SLC23A2: variants seen among roughly 807,000 people sequenced by gnomAD.
The protein encoded by SLC23A2 is solute carrier family 23 member 2.
In SLC23A2, 36 loss-of-function variants were observed where a neutral mutation model predicts 73.3. The ratio of observed to expected loss-of-function variants is 0.49; its 90% CI spans 0.38 to 0.65. SLC23A2 has a LOEUF of 0.65. Among genes scored for constraint, SLC23A2 ranks in the 30% least tolerant of loss-of-function variants. SLC23A2 has a pLI of 0.00. For synonymous variants in SLC23A2, 343 were observed against 327.3 expected, an observed-to-expected ratio of 1.05 and a Z score of -0.52; for missense variants, 507 against 841.6, an observed-to-expected ratio of 0.60 and a Z score of 4.92.
intron 9 of SLC23A2, among the ~76,000 whole-genome samples, chr20:4,875,210 G>A (rs1930607769): frequency 6.6e-6 from 1 of 152,158 alleles, no homozygotes; most frequent in African/African-American, 2.4e-5. Context: ...CCACTTTTCT[G>A]TATTTTCCAA....
At chr20:4,991,473 C>T (rs1318260814) in intron 1 of SLC23A2, among the ~76,000 whole-genome samples, 1 of 152,066 alleles carries the variant, frequency 6.6e-6, no homozygotes, top group Non-Finnish European at 1.5e-5. Flanking sequence ...CCTCTAATCC[C>T]AGCACTTTGG....
intron 2 of SLC23A2, among the ~76,000 whole-genome samples, chr20:4,944,564 A>G (rs1229510242): frequency 6.6e-6 from 1 of 152,210 alleles, no homozygotes; most frequent in African/African-American, 2.4e-5. Context: ...ACAAATGCAC[A>G]AATATTCTCA....
chr20:4,979,613 C>T (rs1004939588), intron 1 of SLC23A2, among the ~76,000 whole-genome samples: 24 of 152,062 alleles, frequency 1.6e-4, no homozygotes, highest in Non-Finnish European at 2.1e-4. Flanking sequence ...ATCTTCTATT[C>T]CAAATTTTAC....
At chr20:4,991,728 AC>A (rs1568659886) in intron 1 of SLC23A2, among the ~76,000 whole-genome samples, 5 of 134,214 alleles carry the variant, frequency 3.7e-5, no homozygotes, top group Non-Finnish European at 6.5e-5. Context: ...TTTCACACAC[AC>A]ACACACACAC....
chr20:4,896,186 G>A (rs1243981228), intron 6 of SLC23A2, among the ~76,000 whole-genome samples: 4 of 152,152 alleles, frequency 2.6e-5, no homozygotes, highest in East Asian at 3.9e-4. Context: ...GTCAAGGGGG[G>A]AACCAGCGGC....
At chr20:4,918,138 G>C (rs2122907323) in intron 3 of SLC23A2, among the ~76,000 whole-genome samples, 1 of 152,206 alleles carries the variant, frequency 6.6e-6, no homozygotes, top group Non-Finnish European at 1.5e-5. Flanking sequence ...AACATGTCTT[G>C]GGAAGCTTTC....
intron 2 of SLC23A2, among the ~76,000 whole-genome samples, chr20:4,959,272 A>C (rs1190639250): frequency 6.6e-6 from 1 of 152,162 alleles, no homozygotes; most frequent in Admixed American, 6.5e-5. Flanking sequence ...CTAGAACAAA[A>C]ACAGACAATA....
intron 2 of SLC23A2, among the ~76,000 whole-genome samples, chr20:4,950,743 G>A (rs1196324062): frequency 6.6e-6 from 1 of 152,000 alleles, no homozygotes; most frequent in African/African-American, 2.4e-5. Context: ...GGGAACTCGA[G>A]GCTCAGATGA....
chr20:4,918,821 T>C (rs1193311520), intron 3 of SLC23A2, among the ~76,000 whole-genome samples: 2 of 152,216 alleles, frequency 1.3e-5, no homozygotes, highest in African/African-American at 2.4e-5. Context: ...AACCACTTTA[T>C]ACTAAACCAA....
intron 4 of SLC23A2, among the ~76,000 whole-genome samples, chr20:4,903,362 G>T (rs1393143638): frequency 6.6e-6 from 1 of 152,106 alleles, no homozygotes; most frequent in Non-Finnish European, 1.5e-5. Flanking sequence ...ACTCAAGGTA[G>T]CCCCGAGTTC....
intron 6 of SLC23A2, among the ~76,000 whole-genome samples, chr20:4,889,532 A>G (rs1247474402): frequency 6.6e-6 from 1 of 151,748 alleles, no homozygotes; most frequent in Non-Finnish European, 1.5e-5. Flanking sequence ...GGACATCCCA[A>G]TAGGCTGTGG....
At chr20:4,860,796 T>C (rs1044087601) in intron 15 of SLC23A2, among the ~76,000 whole-genome samples, 1 of 152,174 alleles carries the variant, frequency 6.6e-6, no homozygotes, top group Non-Finnish European at 1.5e-5. Context: ...ATCCCAACAC[T>C]TTGGGAGGCC....
intron 13 of SLC23A2, among the ~76,000 whole-genome samples, chr20:4,865,864 G>A (rs947031198): frequency 1.2e-4 from 18 of 151,616 alleles, no homozygotes; most frequent in African/African-American, 4.1e-4. Context: ...TCAGAGTCTC[G>A]CTCTGTCACC....
At position 4,998,075 on chromosome 20, in the gene SLC23A2, C is replaced by T. The variant is rs1050400842; in HGVS notation, c.-282+3331G>A. Among the ~76,000 whole-genome samples the T allele has an allele frequency of 8.5e-5, 13 of 152,238 alleles. No homozygotes were observed. Among genetic ancestry groups the T allele is most frequent in the Non-Finnish European group, 1.5e-4 (10 of 68,022 alleles). ...TCCAGAATTATACGAAACAAATTTC[C>T]GTTGTTTAAGCCACCCACACTGTGC... On this transcript the variant is annotated intron_variant, in intron 1 of 16. Transcript: ENST00000338244. The surrounding 1 kb of genome is among the most constrained non-coding windows in gnomAD (Gnocchi z 4.1).
intron 2 of SLC23A2, among the ~76,000 whole-genome samples, chr20:4,944,930 A>C (rs562222338): frequency 4.7e-4 from 72 of 151,990 alleles, no homozygotes; most frequent in African/African-American, 1.6e-3. Context: ...GTCAGAAAAG[A>C]CTGTTGGAAC....
chr20:4,895,202 T>C (rs1283470427), intron 6 of SLC23A2, among the ~76,000 whole-genome samples: 1 of 152,116 alleles, frequency 6.6e-6, no homozygotes, highest in Non-Finnish European at 1.5e-5. Flanking sequence ...GCCCTAAGCC[T>C]AAGGAAATGA....
In SLC23A2 at chr20:4,932,711, T is replaced by C. The variant is rs1932802843; in HGVS notation, c.-149A>G. On this transcript the variant is annotated 5_prime_UTR_variant, in exon 3 of 17. Coordinates refer to ENST00000338244, the MANE Select transcript of SLC23A2 (RefSeq NM_005116.6). ...GATGAGGCCTGCAAACGGCATCTCT[T>C]AGCACCTAGAAAAGAAGAGCACAGC... 5.0e-6 allele frequency: 3 copies of C among 604,898 alleles called. No individual in the cohort carries two copies. The highest frequency in any genetic ancestry group is 4.4e-4 in the Middle Eastern group (1 of 2,292). The allele number at this position is 604,898 out of a possible 1,614,324, so 37.5% of individuals were successfully genotyped here.
At chr20:4,877,982 T>C (rs535082260) in intron 9 of SLC23A2, among the ~76,000 whole-genome samples, 55 of 152,344 alleles carry the variant, frequency 3.6e-4, no homozygotes, top group African/African-American at 1.2e-3. Context: ...CAGAATCATG[T>C]AGATAATACA....
chr20:4,944,071 G>A (rs1348491268), intron 2 of SLC23A2, among the ~76,000 whole-genome samples: 1 of 152,178 alleles, frequency 6.6e-6, no homozygotes, highest in East Asian at 1.9e-4. Context: ...GATTCTGGTG[G>A]CTCCATTTGG....
Sources: gnomAD v4.1 joint callset for allele counts (sites outside exome capture counted in the v4.1 genomes callset) on GRCh38, gnomAD v4.1.1 for gene constraint, Gnocchi (gnomAD v3.1) non-coding constraint, MANE v1.5 for transcripts, NCBI Gene and HGNC (gene_info 2026-07-23, HGNC 2026-07-21) for gene names.